Variants in NCOA2 observed in about 807,000 individuals in gnomAD.
The protein encoded by NCOA2 is nuclear receptor coactivator 2.
Under a neutral mutation model 145.1 loss-of-function variants are expected in NCOA2, and 21 were observed. The ratio of observed to expected loss-of-function variants is 0.14; its 90% CI spans 0.10 to 0.21. The LOEUF (loss-of-function observed/expected upper bound fraction) is 0.21, where lower values mean the gene tolerates loss of function less well. NCOA2 is among the 10% of genes least tolerant of loss of function. The pLI is 1.00. For missense variants in NCOA2, 1,472 were observed against 1,837.6 expected, an observed-to-expected ratio of 0.80 and a Z score of 3.64; for synonymous variants, 619 against 637.5, an observed-to-expected ratio of 0.97 and a Z score of 0.44.
At chr8:70,352,056 A>G (rs554616791) in intron 1 of NCOA2, among the ~76,000 whole-genome samples, 4 of 152,166 alleles carry the variant, frequency 2.6e-5, no homozygotes, top group East Asian at 3.9e-4. Flanking sequence ...ATTTCTACCC[A>G]TGCATGTGAT....
intron 4 of NCOA2, among the ~76,000 whole-genome samples, chr8:70,197,794 G>A (rs1315984828): frequency 1.3e-5 from 2 of 151,250 alleles, no homozygotes; most frequent in African/African-American, 4.9e-5. Flanking sequence ...AGCATCTGAA[G>A]AAAACCTTGG....
intron 3 of NCOA2, among the ~76,000 whole-genome samples, chr8:70,215,917 A>T (rs1196932161): frequency 6.6e-6 from 1 of 151,556 alleles, no homozygotes; most frequent in Non-Finnish European, 1.5e-5. Flanking sequence ...TTCTTAAGAG[A>T]TTTTTTTTTC....
chr8:70,318,828 C>T (rs1460952825), intron 1 of NCOA2, among the ~76,000 whole-genome samples: 1 of 152,160 alleles, frequency 6.6e-6, no homozygotes, highest in Non-Finnish European at 1.5e-5. Context: ...CAGTTTACAG[C>T]CACTCCCCAG....
the NCOA2 span, among the ~76,000 whole-genome samples, chr8:70,441,996 GGAAA>G: frequency 9.5e-5 from 4 of 42,312 alleles, no homozygotes; most frequent in African/African-American, 2.2e-4. Flanking sequence ...GAGAAAGAAA[GGAAA>G]GAAAGAAATA....
intron 1 of NCOA2, among the ~76,000 whole-genome samples, chr8:70,330,053 T>C (rs571911656): frequency 2.0e-5 from 3 of 152,308 alleles, no homozygotes; most frequent in East Asian, 1.9e-4. Context: ...GAAAAACTCA[T>C]CTGAGTCATA....
chr8:70,188,999 ATTGT>A (rs1247934184), intron 4 of NCOA2, among the ~76,000 whole-genome samples: 7 of 152,298 alleles, frequency 4.6e-5, no homozygotes, highest in South Asian at 2.1e-4. Context: ...CCAAATGTAC[ATTGT>A]TTCTTTTTAA....
intron 12 of NCOA2, among the ~76,000 whole-genome samples, chr8:70,146,983 G>A (rs1336245079): frequency 6.6e-6 from 1 of 152,102 alleles, no homozygotes; most frequent in Non-Finnish European, 1.5e-5. Flanking sequence ...GTGCGACTGC[G>A]CCCAGCCTGT....
chr8:70,230,714 A>G (rs1361872466), intron 2 of NCOA2, among the ~76,000 whole-genome samples: 1 of 152,210 alleles, frequency 6.6e-6, no homozygotes, highest in Non-Finnish European at 1.5e-5. Flanking sequence ...CTTAATAAAC[A>G]TGCTCCTAGT....
chr8:70,330,286 T>C lies in NCOA2; in HGVS notation c.-76-33486A>G, dbSNP rs139768679. On this transcript the variant is annotated intron_variant, in intron 1 of 22. Coordinates refer to ENST00000452400, the MANE Select transcript of NCOA2 (RefSeq NM_006540.4). Reference sequence around the variant, plus strand: ...ATAAGGAACACAGTGGAATAATGTATGAGCTCGGTACGGTGGCTCATGCCT... The same window carrying C: ...ATAAGGAACACAGTGGAATAATGTACGAGCTCGGTACGGTGGCTCATGCCT... Among the ~76,000 whole-genome samples the C allele has an allele frequency of 4.0e-3, 602 of 152,154 alleles. 4 individuals are homozygous for C. The highest frequency in any genetic ancestry group is 0.014 in the African/African-American group (580 of 41,526).
chr8:70,133,403 T>G (rs190518200), intron 15 of NCOA2, among the ~76,000 whole-genome samples: 5 of 152,134 alleles, frequency 3.3e-5, no homozygotes, highest in African/African-American at 1.2e-4. Flanking sequence ...TTGTACATTT[T>G]TTGTAGAGAC....
Position 70,128,166 on chromosome 8 carries a change from T to A in NCOA2, c.3681+267A>T, listed in dbSNP as rs192854322. ...AACCCTGTATTCCTCCTAGGAACGA[T>A]AGTTGGCTGTTCTCTAATTCAGTGT... On this transcript the variant is annotated intron_variant, in intron 18 of 22. Transcript: ENST00000452400. Among the ~76,000 whole-genome samples, 13 of 152,334 alleles carry A rather than the reference T, an allele frequency of 8.5e-5. No individual in the cohort carries two copies. The East Asian group carries it at 2.3e-3, about 27-fold the overall frequency.
chr8:70,417,245 T>TAAAAAAAAAAAAAAAAAAAAA, the NCOA2 span, among the ~76,000 whole-genome samples: 1 of 78,040 alleles, frequency 1.3e-5, no homozygotes, highest in Non-Finnish European at 2.1e-5. Flanking sequence ...TCGTCTCTAT[T>TAAAAAAAAAAAAAAAAAAAAA]AAAAAAAAAA....
At chr8:70,242,044 G>A (rs554446640) in intron 2 of NCOA2, among the ~76,000 whole-genome samples, 5 of 151,986 alleles carry the variant, frequency 3.3e-5, no homozygotes, top group African/African-American at 9.7e-5. Flanking sequence ...AGGCTATTAC[G>A]GTTTCAATAC....
chr8:70,163,658 A>T, intron 7 of NCOA2, 92 bp from the exon 8 acceptor site: 1 of 891,322 alleles, frequency 1.1e-6, no homozygotes, highest in East Asian at 2.5e-5. Context: ...GCCTGTCATT[A>T]AAAAAGCAGT....
chr8:70,435,193 A>G, the NCOA2 span, among the ~76,000 whole-genome samples: 1 of 151,848 alleles, frequency 6.6e-6, no homozygotes, highest in East Asian at 1.9e-4. Flanking sequence ...TGGGAGGCCG[A>G]GGCGGGCGGA....
intron 1 of NCOA2, among the ~76,000 whole-genome samples, chr8:70,343,304 C>T (rs1180424723): frequency 6.6e-6 from 1 of 152,078 alleles, no homozygotes; most frequent in Non-Finnish European, 1.5e-5. Context: ...TAATATCCTT[C>T]CTAGAAGGTC....
chr8:70,407,530 T>G (rs975133772), upstream of NCOA2, among the ~76,000 whole-genome samples: 2 of 152,142 alleles, frequency 1.3e-5, no homozygotes, highest in African/African-American at 4.8e-5. Flanking sequence ...GGCTCACGCC[T>G]GTAATCACAG....
chr8:70,259,495 T>C lies in NCOA2; in HGVS notation c.-20+37249A>G, dbSNP rs73684251. ...AAATTTGATGGTAGTCACAATTATTTTGTTATACTTCAATAACATTTTATT... is the reference window on the plus strand; with the variant it reads ...AAATTTGATGGTAGTCACAATTATTCTGTTATACTTCAATAACATTTTATT... On this transcript the variant is annotated intron_variant, in intron 2 of 22. Transcript: ENST00000452400. Among the ~76,000 whole-genome samples the C allele has an allele frequency of 3.7e-3, 567 of 152,334 alleles. 8 individuals are homozygous for C. Among genetic ancestry groups the C allele is most frequent in the African/African-American group, 0.013 (551 of 41,586 alleles).
At chr8:70,410,057 A>G in the NCOA2 span, among the ~76,000 whole-genome samples, 1 of 152,062 alleles carries the variant, frequency 6.6e-6, no homozygotes, top group African/African-American at 2.4e-5. Context: ...TAAAAATACA[A>G]AAATTAGCTG....
Sources: allele counts gnomAD v4.1 joint callset (sites outside exome capture counted in the v4.1 genomes callset), GRCh38; gene constraint gnomAD v4.1.1; transcripts MANE v1.5; gene names NCBI Gene and HGNC (gene_info 2026-07-23, HGNC 2026-07-21).